NAV1: variants seen among roughly 807,000 people sequenced by gnomAD.
NAV1 encodes neuron navigator 1, also known as pore membrane and/or filament interacting like protein 3.
In NAV1, 18 loss-of-function variants were observed where a neutral mutation model predicts 175.2. The observed-to-expected ratio is 0.10, with a 90% CI of 0.07 to 0.15. NAV1 has a LOEUF of 0.15. Among genes scored for constraint, NAV1 ranks in the 10% least tolerant of loss-of-function variants. The pLI, the probability that NAV1 is intolerant of heterozygous loss-of-function variation, is 1.00. For missense variants in NAV1, 1,731 were observed against 2,436.6 expected (o/e 0.71, Z 6.10); for synonymous variants, 897 against 978.7 (o/e 0.92, Z 1.56).
rs569152522 is a variant in NAV1 at position 201,706,617 on chromosome 1, A to G, written c.758-6200A>G. Among the ~76,000 whole-genome samples, 213 of 152,286 alleles carry G rather than the reference A, an allele frequency of 1.4e-3. 2 individuals carry two copies. The highest frequency in any genetic ancestry group is 5.1e-3 in the African/African-American group (210 of 41,542). On this transcript the variant is annotated intron_variant, in intron 1 of 29. Transcript: ENST00000367296. The stretch of plus-strand genomic sequence containing the variant: ...AGATCCTTTCAAGTTCTGAAGTGCC[A>G]TGACTTGAAAACATTCTTTCTTTGG...
chr1:201,706,233 T>C (rs614985), intron 1 of NAV1, among the ~76,000 whole-genome samples: 7,045 of 150,510 alleles, frequency 0.047, 224 homozygotes, highest in African/African-American at 0.07. Context: ...CTCTCTCTCT[T>C]TTTGGGAGTT....
rs529845464 is a variant in NAV1 at position 201,811,839 on chromosome 1, C to T, written c.4953-64C>T. 275 of 1,609,862 alleles carry T rather than the reference C, an allele frequency of 1.7e-4. 1 individual carries two copies. Among genetic ancestry groups the T allele is most frequent in the Non-Finnish European group, 2.3e-4 (266 of 1,176,398 alleles). ...TCCAGGACAACCTATGAGTTGTGTG[C>T]ATGTGGCAGAAAGCAAGTGTGAAGG... On this transcript the variant is annotated intron_variant, in intron 25 of 29. Coordinates refer to ENST00000367296, the Ensembl canonical transcript of NAV1.
In NAV1 at chr1:201,785,284, T is replaced by TC. The variant is rs1558163028; in HGVS notation, c.2805-26_2805-25insC. 6.6e-5 allele frequency: 23 copies of TC among 349,152 alleles called. No homozygotes were observed. In the African/African-American group the frequency reaches 8.8e-4, roughly 13 times the overall value. The allele number at this position is 349,152 out of a possible 1,614,324, so 21.6% of individuals were successfully genotyped here. The stretch of plus-strand genomic sequence containing the variant: ...CCCACATGCTTCTCTCTCTCTCTCT[T>TC]TTTTTTTTTTTTTTTATCTCCACAG... On this transcript the variant is annotated intron_variant, in intron 7 of 29. Transcript: ENST00000367296.
In NAV1 at chr1:201,774,421, C is replaced by T. The variant is rs939271333; in HGVS notation, c.1227-6000C>T. Among the ~76,000 whole-genome samples, 3 of 152,184 alleles carry T rather than the reference C, an allele frequency of 2.0e-5. No individual in the cohort carries two copies. In the East Asian group the frequency reaches 5.8e-4, roughly 29 times the overall value. On this transcript the variant is annotated intron_variant, in intron 3 of 29. Coordinates refer to ENST00000367296, the Ensembl canonical transcript of NAV1. ...CTTCTAAAGACATTCTATTCTTACA[C>T]CTCAACCAGTCATATGTTTCAGGAT...
chr1:201,692,420 G>T (rs904230635), intron 1 of NAV1, among the ~76,000 whole-genome samples: 3 of 152,204 alleles, frequency 2.0e-5, no homozygotes, highest in African/African-American at 7.2e-5. Context: ...TTTTCAATGT[G>T]TGTTAAAGAG....
intron 3 of NAV1, among the ~76,000 whole-genome samples, chr1:201,765,571 T>C (rs1675165442): frequency 6.6e-6 from 1 of 151,910 alleles, no homozygotes; most frequent in South Asian, 2.1e-4. Flanking sequence ...ATTTTTTGTA[T>C]TTTAGTAGAG....
intron 3 of NAV1, among the ~76,000 whole-genome samples, chr1:201,777,990 G>A (rs1210739997): frequency 6.6e-6 from 1 of 152,058 alleles, no homozygotes; most frequent in African/African-American, 2.4e-5. Flanking sequence ...CTCTTCAGTG[G>A]AGCATCTCCA....
rs570316459 is a variant in NAV1, at chr1:201,813,534, CAG to C, written c.5340+278_5340+279del. Among the ~76,000 whole-genome samples, 193 of 152,144 alleles carry C rather than the reference CAG, an allele frequency of 1.3e-3. No homozygotes were observed. Among genetic ancestry groups the C allele is most frequent in the African/African-American group, 4.5e-3 (188 of 41,520 alleles). ...ACCACTCTCTAGGGGTCAGAGCAAA[CAG>C]AAAAATAATTGAGCTAAGAAGTAAG... is the stretch of plus-strand genomic sequence containing the variant. On this transcript the variant is annotated intron_variant, in intron 28 of 29. Transcript: ENST00000367296. The surrounding 1 kb of genome is among the most constrained non-coding windows in gnomAD (Gnocchi z 4.2).
Position 201,807,902 on chromosome 1 carries a change from T to G in NAV1, c.3649-51T>G. On this transcript the variant is annotated intron_variant, in intron 17 of 29. Coordinates refer to ENST00000367296, the Ensembl canonical transcript of NAV1. This position sits in a 1 kb window ranked among gnomAD's most constrained non-coding sequence, Gnocchi z 5.4. Reference sequence around the variant, plus strand: ...GAAGTCTCAATCCAGTCCTCCCCCATCCCAGTAGTGGAGTCCTAATGTCCC... The same window carrying G: ...GAAGTCTCAATCCAGTCCTCCCCCAGCCCAGTAGTGGAGTCCTAATGTCCC... The G allele has an allele frequency of 6.3e-7, 1 of 1,577,160 alleles. No homozygotes were observed. Among genetic ancestry groups the G allele is most frequent in the Non-Finnish European group, 8.7e-7 (1 of 1,148,454 alleles).
At chr1:201,592,305 C>T (rs547619894) in intron 2 of NAV1, among the ~76,000 whole-genome samples, 1 of 152,350 alleles carries the variant, frequency 6.6e-6, no homozygotes, top group Middle Eastern at 3.4e-3. Context: ...GAGGGAAAGA[C>T]AGTCCCTGCC....
intron 1 of NAV1, among the ~76,000 whole-genome samples, chr1:201,559,126 C>T (rs1292887337): frequency 1.3e-5 from 2 of 152,162 alleles, no homozygotes; most frequent in Non-Finnish European, 2.9e-5. Flanking sequence ...GCGTATAACA[C>T]CTTTAGCATA....
In NAV1 at chr1:201,759,257, A is replaced by G. The variant is rs542173199; in HGVS notation, c.1227-21164A>G. Among the ~76,000 whole-genome samples the G allele has an allele frequency of 5.1e-4, 78 of 152,360 alleles. 1 individual carries two copies. Among genetic ancestry groups the G allele is most frequent in the Admixed American group, 2.0e-3 (31 of 15,302 alleles). ...ACATTAAAGATGCCTTTTAATAGCA[A>G]GTATTTAAGAAACACTGGGTTTCCA... On this transcript the variant is annotated intron_variant, in intron 3 of 29. Coordinates refer to ENST00000367296, the Ensembl canonical transcript of NAV1.
chr1:201,649,783 T>G (rs1317851072), intron 1 of NAV1, among the ~76,000 whole-genome samples: 1 of 152,182 alleles, frequency 6.6e-6, no homozygotes, highest in Non-Finnish European at 1.5e-5. Context: ...CGTTGTGGTG[T>G]GGCCTGCGCT....
At chr1:201,612,762 C>T (rs1175007485) in intron 2 of NAV1, among the ~76,000 whole-genome samples, 2 of 152,190 alleles carry the variant, frequency 1.3e-5, no homozygotes, top group Admixed American at 1.3e-4. Flanking sequence ...GGAGAGGACA[C>T]AAGCACTCGG....
intron 15 of NAV1, chr1:201,796,933 T>C (rs2102764637): frequency 6.6e-6 from 1 of 152,364 alleles, no homozygotes; most frequent in Non-Finnish European, 1.5e-5. Context: ...TCTCATTGTA[T>C]GGGTTGCTGT....
In NAV1 at chr1:201,709,580, T is replaced by TA. The variant is rs530511236; in HGVS notation, c.758-3236dup. On this transcript the variant is annotated intron_variant, in intron 1 of 29. Coordinates refer to ENST00000367296, the Ensembl canonical transcript of NAV1. ...CTAGCAATGTGGAGGAAGCCAGACTTACCAGGGGCCCCAACCCTCCAGACC... is the reference window on the plus strand; with the variant it reads ...CTAGCAATGTGGAGGAAGCCAGACTTAACCAGGGGCCCCAACCCTCCAGACC... 1.0e-3 allele frequency among the ~76,000 whole-genome samples: 158 copies of TA among 152,028 alleles called. 2 individuals are homozygous for TA. Among genetic ancestry groups the TA allele is most frequent in the Admixed American group, 4.6e-3 (70 of 15,296 alleles).
At chr1:201,743,225 A>C (rs1673545980) in intron 3 of NAV1, among the ~76,000 whole-genome samples, 1 of 152,204 alleles carries the variant, frequency 6.6e-6, no homozygotes, top group Non-Finnish European at 1.5e-5. Context: ...GACTATTCTT[A>C]CCAATACCAG....
chr1:201,680,235 C>T (rs938214095), intron 1 of NAV1, among the ~76,000 whole-genome samples: 9 of 152,236 alleles, frequency 5.9e-5, no homozygotes, highest in Middle Eastern at 3.4e-3. Context: ...CAAGGCTGGG[C>T]GCGGTGGCTC....
At chr1:201,688,113 A>G (rs1353141564) in intron 1 of NAV1, 1 of 152,246 alleles carries the variant, frequency 6.6e-6, no homozygotes, top group African/African-American at 2.4e-5. Context: ...TTACTCACGT[A>G]GCAAGGTTGT....
Sources: allele counts gnomAD v4.1 joint callset (sites outside exome capture counted in the v4.1 genomes callset), GRCh38; gene constraint gnomAD v4.1.1; non-coding constraint Gnocchi (gnomAD v3.1); transcripts MANE v1.5; gene names NCBI Gene and HGNC (gene_info 2026-07-23, HGNC 2026-07-21).